DNMT3B: variants seen among roughly 807,000 people sequenced by gnomAD.
DNMT3B encodes DNA methyltransferase 3 beta.
DNMT3B carries 37 observed loss-of-function variants against 120.2 expected under a neutral mutation model. The observed-to-expected ratio is 0.31, with a 90% CI of 0.24 to 0.40. The LOEUF (loss-of-function observed/expected upper bound fraction) is 0.40. Among genes scored for constraint, DNMT3B ranks in the 10% least tolerant of loss-of-function variants. DNMT3B has a pLI of 1.00. For synonymous variants in DNMT3B, 412 were observed against 442.8 expected (o/e 0.93, Z 0.87); for missense variants, 878 against 1,137.3 (o/e 0.77, Z 3.28).
intron 2 of DNMT3B, 62 bp downstream of exon 2, chr20:32,780,527 A>G: frequency 6.3e-7 from 1 of 1,592,008 alleles, no homozygotes; most frequent in Non-Finnish European, 8.5e-7. Flanking sequence ...GTCACTGCAG[A>G]CAACTGGAGG....
At chr20:32,779,548 A>C (rs1352827601) in intron 1 of DNMT3B, among the ~76,000 whole-genome samples, 2 of 152,184 alleles carry the variant, frequency 1.3e-5, no homozygotes, top group Admixed American at 1.3e-4. Flanking sequence ...GATTTACCTG[A>C]CCAGGAGGGG....
rs749773382 is a variant in DNMT3B, at chr20:32,797,317, T to A, written c.1490+18T>A. 6.2e-7 allele frequency: 1 copy of A among 1,612,084 alleles called. No homozygotes were observed. The highest frequency in any genetic ancestry group is 8.5e-7 in the Non-Finnish European group (1 of 1,178,594). On this transcript the variant is annotated intron_variant, in intron 14 of 22. Coordinates refer to ENST00000328111, the MANE Select transcript of DNMT3B (RefSeq NM_006892.4). ...TGCTGCCGGTGAGCACTGGGCCCTG[T>A]GGGGTGGATGTGGGTGGGCCCCCAA...
Position 32,800,149 on chromosome 20 carries a change from AC to A in DNMT3B, c.1760-3del. The A allele has an allele frequency of 6.2e-7, 1 of 1,614,224 alleles. No individual in the cohort carries two copies. Among genetic ancestry groups the A allele is most frequent in the Non-Finnish European group, 8.5e-7 (1 of 1,180,050 alleles). On this transcript the variant is annotated splice_region_variant and splice_polypyrimidine_tract_variant and intron_variant, in intron 16 of 22. Coordinates refer to ENST00000328111, the MANE Select transcript of DNMT3B (RefSeq NM_006892.4). ...ATGCTTCTGTGTCTCTCTGGCCCCC[AC>A]AGGCTACCTAGTCCTCAAAGAGTTG...
intron 3 of DNMT3B, 138 bp downstream of exon 3, chr20:32,781,552 T>G: frequency 1.1e-6 from 1 of 888,248 alleles, no homozygotes; most frequent in Non-Finnish European, 1.8e-6. Context: ...TCTGCATATA[T>G]TTGGCATTAT....
In DNMT3B at chr20:32,801,442, G is replaced by C; in HGVS notation, c.2145+16G>C. 2 of 1,613,672 alleles carry C rather than the reference G, an allele frequency of 1.2e-6. No homozygotes were observed. The highest frequency in any genetic ancestry group is 1.7e-6 in the Non-Finnish European group (2 of 1,180,004). ...GTTCCTGGAGGTGAGGGAATCTGGGGACCTGATTGTCACAGACAGCCAGGG... is the reference window on the plus strand; with the variant it reads ...GTTCCTGGAGGTGAGGGAATCTGGGCACCTGATTGTCACAGACAGCCAGGG... On this transcript the variant is annotated intron_variant, in intron 19 of 22. Coordinates refer to ENST00000328111, the MANE Select transcript of DNMT3B (RefSeq NM_006892.4).
rs1981246637 is a variant in DNMT3B, at chr20:32,800,829, T to TC, written c.1906-6_1906-5insC. Reference sequence around the variant, plus strand: ...CCCTCATCCTGACTCTGTCTCTCTCTTTCAGATTGAAGAATGGGGCCCATT... The same window carrying TC: ...CCCTCATCCTGACTCTGTCTCTCTCTCTTCAGATTGAAGAATGGGGCCCATT... On this transcript the variant is annotated splice_region_variant and splice_polypyrimidine_tract_variant and intron_variant, in intron 17 of 22. Coordinates refer to ENST00000328111, the MANE Select transcript of DNMT3B (RefSeq NM_006892.4). The TC allele has an allele frequency of 1.7e-5, 26 of 1,528,442 alleles. No individual in the cohort carries two copies. The Middle Eastern group carries it at 6.8e-4, about 40-fold the overall frequency. The allele number at this position is 1,528,442 out of a possible 1,614,324, so 94.7% of individuals were successfully genotyped here. A position where few individuals can be genotyped will look rare whatever the true frequency, so the allele number is the denominator to read the frequency against.
Position 32,791,672 on chromosome 20 carries a change from C to T in DNMT3B, c.885C>T (p.Leu295=). The change falls in exon 8 of 23, where the codon CTC becomes CTT. Residue 295 remains leucine (L), a synonymous_variant. Coordinates refer to ENST00000328111, the MANE Select transcript of DNMT3B (RefSeq NM_006892.4). ...QHFNLATFNK[L]VSYRKAMYHA... ...TTAATTTGGCCACCTTCAATAAGCT[C>T]GTCTCCTATCGAAAAGCCATGTACC... is the stretch of plus-strand genomic sequence containing the variant. The T allele has an allele frequency of 4.3e-6, 7 of 1,614,086 alleles. No homozygotes were observed. Among genetic ancestry groups the T allele is most frequent in the South Asian group, 2.2e-5 (2 of 91,084 alleles).
intron 1 of DNMT3B, among the ~76,000 whole-genome samples, chr20:32,778,711 C>T (rs1256066127): frequency 1.3e-5 from 2 of 152,180 alleles, no homozygotes; most frequent in African/African-American, 4.8e-5. Flanking sequence ...TAGAAGGTAC[C>T]CTGGTTTGAG....
chr20:32,789,721 G>A (rs1979735972), intron 7 of DNMT3B, among the ~76,000 whole-genome samples: 1 of 152,192 alleles, frequency 6.6e-6, no homozygotes. Context: ...AGCCTCCTGA[G>A]TGGCTGGGGT....
rs1982237676 is a variant in DNMT3B, at chr20:32,808,914, C to T, written c.*1011C>T. 9.0e-6 allele frequency: 2 copies of T among 222,584 alleles called. No homozygotes were observed. The highest frequency in any genetic ancestry group is 1.8e-5 in the Non-Finnish European group (2 of 111,410). 13.8% of individuals were successfully genotyped at this position (222,584 alleles called of 1,614,324 possible). A position where few individuals can be genotyped will look rare whatever the true frequency, so the allele number is the denominator to read the frequency against. ...GGCAGTGACAGCAGTCAGGGACAGA[C>T]ATACATTTCTCATACCTTCCCCACA... On this transcript the variant is annotated 3_prime_UTR_variant, in exon 23 of 23. Transcript: ENST00000328111.
chr20:32,781,244 G>A (rs1388826715), intron 2 of DNMT3B, 109 bp from the exon 3 acceptor site: 3 of 1,065,822 alleles, frequency 2.8e-6, no homozygotes, highest in Admixed American at 1.9e-5. Context: ...TGACAATAGT[G>A]TAGGGGAGAT....
In DNMT3B at chr20:32,808,149, C is replaced by A; in HGVS notation, c.*246C>A. 1.7e-6 allele frequency: 1 copy of A among 579,728 alleles called. No homozygotes were observed. Among genetic ancestry groups the A allele is most frequent in the South Asian group, 2.1e-5 (1 of 47,566 alleles). The allele number at this position is 579,728 out of a possible 1,614,324, so 35.9% of individuals were successfully genotyped here. On this transcript the variant is annotated 3_prime_UTR_variant, in exon 23 of 23. Transcript: ENST00000328111. ...CAGCCTAACACGGTGCTCATTTTTT[C>A]TTCTCCTAAAACTTTAAAACTTGAA...
chr20:32,774,071 C>A (rs1032396690), intron 1 of DNMT3B, among the ~76,000 whole-genome samples: 1 of 151,496 alleles, frequency 6.6e-6, no homozygotes, highest in Admixed American at 6.6e-5. Flanking sequence ...CTGCTGCCGC[C>A]GCCAGTGTGG....
At chr20:32,782,122 A>C (rs370657363) in intron 3 of DNMT3B, among the ~76,000 whole-genome samples, 7 of 152,254 alleles carry the variant, frequency 4.6e-5, no homozygotes, top group Admixed American at 3.3e-4. Flanking sequence ...AAATAAATGC[A>C]TGCTAGTTTT....
chr20:32,800,857 A>G lies in DNMT3B; in HGVS notation c.1928A>G (p.Asp643Gly). The G allele has an allele frequency of 6.2e-7, 1 of 1,614,124 alleles. No individual in the cohort carries two copies. Among genetic ancestry groups the G allele is most frequent in the Non-Finnish European group, 8.5e-7 (1 of 1,180,024 alleles). The change falls in exon 18 of 23, where the codon GAC (aspartate) becomes GGC (glycine). Residue 643 changes from aspartate to glycine, a missense_variant. Coordinates refer to ENST00000328111, the MANE Select transcript of DNMT3B (RefSeq NM_006892.4). Reference protein sequence around the residue: ...KKNIEEWGPFDLVIGGSPCND... With the variant: ...KKNIEEWGPFGLVIGGSPCND... ...CAGATTGAAGAATGGGGCCCATTTG[A>G]CTTGGTGATTGGCGGAAGCCCATGC...
In DNMT3B at chr20:32,780,247, T is replaced by C. The variant is rs879157588; in HGVS notation, c.-6-71T>C. The C allele has an allele frequency of 1.1e-5, 17 of 1,613,130 alleles. No individual in the cohort carries two copies. The East Asian group carries it at 2.5e-4, about 23-fold the overall frequency. On this transcript the variant is annotated intron_variant, in intron 1 of 22. Coordinates refer to ENST00000328111, the MANE Select transcript of DNMT3B (RefSeq NM_006892.4). ...CCTTGGCCTGAGAACACAGAGCCCA[T>C]GGCGGGGGAACACTGTCCCTCTCAT...
chr20:32,788,870 G>A lies in DNMT3B; in HGVS notation c.671G>A (p.Gly224Glu). ...TTCTTCCAGGATGGGAAGGAGTTTGGAATAGGGGACCTCGTGTGGGGAAAG... is the reference window on the plus strand; with the variant it reads ...TTCTTCCAGGATGGGAAGGAGTTTGAAATAGGGGACCTCGTGTGGGGAAAG... The part of the protein sequence containing the change: ...SSEYQDGKEF[G>E]IGDLVWGKIK... Residue 224 changes from glycine to glutamate, a missense_variant, in exon 7 of 23, where the codon GGA (glycine) becomes GAA (glutamate). By Grantham distance (98) the Gly-to-Glu change is moderately conservative (BLOSUM62 -2). Around this residue, in one of 4 missense-constraint regions of DNMT3B, gnomAD observed 50 missense variants for 89.7 expected, o/e 0.56. Transcript: ENST00000328111. 6.2e-7 allele frequency: 1 copy of A among 1,614,204 alleles called. No individual in the cohort carries two copies. The highest frequency in any genetic ancestry group is 1.1e-5 in the South Asian group (1 of 91,078).
At chr20:32,801,739 C>T (rs1299051535) in intron 19 of DNMT3B, among the ~76,000 whole-genome samples, 1 of 152,084 alleles carries the variant, frequency 6.6e-6, no homozygotes, top group Non-Finnish European at 1.5e-5. Flanking sequence ...GGCACACCAC[C>T]GTGCCCAGCC....
At chr20:32,765,917 G>A (rs535370091) in intron 1 of DNMT3B, among the ~76,000 whole-genome samples, 1 of 151,792 alleles carries the variant, frequency 6.6e-6, no homozygotes, top group Non-Finnish European at 1.5e-5. Context: ...CACCATGCCT[G>A]GCTAATTTTT....
Sources: gnomAD v4.1 joint callset for allele counts (sites outside exome capture counted in the v4.1 genomes callset) on GRCh38, gnomAD v4.1.1 for gene constraint, gnomAD v4.1.1 regional missense constraint, MANE v1.5 for transcripts, NCBI Gene and HGNC (gene_info 2026-07-23, HGNC 2026-07-21) for gene names.